The following KCNQ5 variants were observed in gnomAD, a reference collection of about 807,000 sequenced individuals.
KCNQ5 encodes the protein potassium voltage-gated channel subfamily KQT member 5.
In KCNQ5, 30 loss-of-function variants were observed where a neutral mutation model predicts 98.2. The ratio of observed to expected loss-of-function variants is 0.31; its 90% confidence interval spans 0.23 to 0.41. KCNQ5 has a LOEUF of 0.41. Among genes scored for constraint, KCNQ5 ranks in the 10% least tolerant of loss-of-function variants. KCNQ5 has a pLI of 1.00. For missense variants in KCNQ5, 835 were observed against 1,182.5 expected (o/e 0.71, Z 4.31); for synonymous variants, 458 against 449.4 (o/e 1.02, Z -0.24).
intron 1 of KCNQ5, among the ~76,000 whole-genome samples, chr6:72,800,666 A>G (rs1229323725): frequency 6.6e-6 from 1 of 152,124 alleles, no homozygotes; most frequent in African/African-American, 2.4e-5. Flanking sequence ...GCCTCCTGCT[A>G]GCTTTTGAAT....
At chr6:72,682,165 C>G (rs750379842) in intron 1 of KCNQ5, among the ~76,000 whole-genome samples, 1 of 152,190 alleles carries the variant, frequency 6.6e-6, no homozygotes, top group African/African-American at 2.4e-5. Flanking sequence ...GACAATTCCT[C>G]ACATGGTTAT....
At chr6:73,050,907 A>T (rs569212572) in intron 3 of KCNQ5, among the ~76,000 whole-genome samples, 3 of 152,352 alleles carry the variant, frequency 2.0e-5, no homozygotes, top group African/African-American at 7.2e-5. Flanking sequence ...GTGCATCAAT[A>T]GTGCATTCCT....
At chr6:73,112,350 G>GTT (rs778086861) in intron 7 of KCNQ5, among the ~76,000 whole-genome samples, 11 of 143,606 alleles carry the variant, frequency 7.7e-5, no homozygotes, top group Admixed American at 2.1e-4. Context: ...TGTTTGTTTT[G>GTT]TTTTTTTTTT....
chr6:72,705,401 T>A (rs1769021193), intron 1 of KCNQ5, among the ~76,000 whole-genome samples: 1 of 152,156 alleles, frequency 6.6e-6, no homozygotes, highest in South Asian at 2.1e-4. Context: ...AAGATATAGA[T>A]GTTAGAATTG....
At chr6:72,964,823 T>C (rs1161993726) in intron 1 of KCNQ5, among the ~76,000 whole-genome samples, 2 of 152,148 alleles carry the variant, frequency 1.3e-5, no homozygotes, top group Admixed American at 6.5e-5. Flanking sequence ...AACATTCGGG[T>C]TCTCAACTGA....
chr6:73,025,645 AAAAAAAAAAAAAAAT>A (rs1188581743), intron 2 of KCNQ5, among the ~76,000 whole-genome samples: 747 of 23,282 alleles, frequency 0.032, 59 homozygotes, highest in South Asian at 0.17. Context: ...AAAAAAAAAA[AAAAAAAAAAAAAAAT>A]TCAAGTGTTC....
chr6:72,772,980 G>C (rs1772974368), intron 1 of KCNQ5, among the ~76,000 whole-genome samples: 1 of 152,076 alleles, frequency 6.6e-6, no homozygotes. Flanking sequence ...GTTAAGGACA[G>C]CTTTTGTTTG....
At chr6:73,112,408 C>G (rs1215796000) in intron 7 of KCNQ5, among the ~76,000 whole-genome samples, 5 of 151,058 alleles carry the variant, frequency 3.3e-5, no homozygotes, top group African/African-American at 2.4e-5. Context: ...TGCAGTGGTG[C>G]GATCTCGGCT....
intron 1 of KCNQ5, among the ~76,000 whole-genome samples, chr6:72,820,702 G>C (rs893086128): frequency 3.9e-5 from 6 of 151,978 alleles, no homozygotes; most frequent in Non-Finnish European, 7.4e-5. Flanking sequence ...ATCAAAGACA[G>C]ACTCACAGAA....
rs538278420 is a variant in KCNQ5, at chr6:72,737,056, G to A, written c.398+114469G>A. 4.9e-4 allele frequency among the ~76,000 whole-genome samples: 75 copies of A among 152,030 alleles called. 1 individual carries two copies. The highest frequency in any genetic ancestry group is 1.7e-3 in the African/African-American group (72 of 41,476). ...GCTCACTGCAACCTCCTCCTCCCGGGTTCAAGTGATTCTCCTGCCTCAGCC... is the reference window on the plus strand; with the variant it reads ...GCTCACTGCAACCTCCTCCTCCCGGATTCAAGTGATTCTCCTGCCTCAGCC... On this transcript the variant is annotated intron_variant, in intron 1 of 13. Transcript: ENST00000370398.
rs2098915798 is a variant in KCNQ5 at position 72,622,440 on chromosome 6, G to T, written c.251G>T (p.Gly84Val). The T allele has an allele frequency of 4.5e-6, 7 of 1,564,458 alleles. No homozygotes were observed. Among genetic ancestry groups the T allele is most frequent in the Non-Finnish European group, 5.2e-6 (6 of 1,155,546 alleles). Residue 84 changes from glycine (G) to valine (V), a missense_variant, in exon 1 of 14, where the codon GGG becomes GTG. By Grantham distance (109) the Gly-to-Val change is moderately radical. Around this residue, in one of 10 missense-constraint regions of KCNQ5, gnomAD observed 54 missense variants for 51.5 expected, o/e 1.05. Transcript: ENST00000370398. The surrounding 1 kb of genome is among the most constrained non-coding windows in gnomAD (Gnocchi z 6.0). ...AGGGAGAGCCGCCGGGGCAAGCAGG[G>T]GGCCCGGATGAGCCTGCTGGGGAAG... ...GLRESRRGKQGARMSLLGKPL... is the reference protein window; with the variant it reads ...GLRESRRGKQVARMSLLGKPL...
intron 1 of KCNQ5, among the ~76,000 whole-genome samples, 196 bp from the exon 2 acceptor site, chr6:73,003,712 A>T (rs1769693870): frequency 6.6e-6 from 1 of 152,192 alleles, no homozygotes; most frequent in Non-Finnish European, 1.5e-5. Context: ...CATCAATAAA[A>T]TTGCAGAGGA....
At chr6:72,761,712 G>A (rs534563138) in intron 1 of KCNQ5, among the ~76,000 whole-genome samples, 50 of 151,836 alleles carry the variant, frequency 3.3e-4, no homozygotes, top group Non-Finnish European at 6.8e-4. Flanking sequence ...AGATGTTTTT[G>A]CAGTAACTAC....
chr6:73,126,571 T>C (rs73753262), intron 9 of KCNQ5, among the ~76,000 whole-genome samples: 25 of 152,316 alleles, frequency 1.6e-4, no homozygotes, highest in African/African-American at 5.3e-4. Context: ...GACATTTACC[T>C]CTCTGCATGC....
chr6:72,655,026 G>GTCTGTCTT (rs1276513568), intron 1 of KCNQ5, among the ~76,000 whole-genome samples: 36 of 105,880 alleles, frequency 3.4e-4, no homozygotes, highest in Admixed American at 8.7e-4. Context: ...AGGTCTGTCT[G>GTCTGTCTT]TCTTTCTTTC....
At chr6:73,133,704 G>A in intron 10 of KCNQ5, 63 bp downstream of exon 10, 1 of 1,378,056 alleles carries the variant, frequency 7.3e-7, no homozygotes, top group Non-Finnish European at 1.0e-6. Flanking sequence ...AGATTATGAA[G>A]TAATTAATTC....
chr6:72,635,276 C>T (rs547395511), intron 1 of KCNQ5, among the ~76,000 whole-genome samples: 132 of 152,000 alleles, frequency 8.7e-4, no homozygotes, highest in South Asian at 2.1e-3. Context: ...GCAATCCTCC[C>T]GCCTTGGCCT....
At chr6:72,948,924 G>A (rs989505554) in intron 1 of KCNQ5, among the ~76,000 whole-genome samples, 2 of 152,066 alleles carry the variant, frequency 1.3e-5, no homozygotes, top group African/African-American at 2.4e-5. Flanking sequence ...ATACTGTCTT[G>A]TTGGAGCCCC....
chr6:73,013,928 G>C (rs2150332748), intron 2 of KCNQ5, among the ~76,000 whole-genome samples: 1 of 152,236 alleles, frequency 6.6e-6, no homozygotes, highest in South Asian at 2.1e-4. Context: ...CAGACCACTA[G>C]AAGTTCTTTG....
Sources: gnomAD v4.1 joint callset for allele counts (sites outside exome capture counted in the v4.1 genomes callset) on GRCh38, gnomAD v4.1.1 for gene constraint, gnomAD v4.1.1 regional missense constraint, Gnocchi (gnomAD v3.1) non-coding constraint, MANE v1.5 for transcripts, NCBI Gene and HGNC (gene_info 2026-07-23, HGNC 2026-07-21) for gene names.